SSBP3: variants seen among roughly 807,000 people sequenced by gnomAD.
The protein encoded by SSBP3 is single stranded DNA binding protein 3.
Under a neutral mutation model 69.6 loss-of-function variants are expected in SSBP3, and 5 were observed. That is an observed-to-expected ratio of 0.07 (90% confidence interval 0.04 to 0.15). The LOEUF (loss-of-function observed/expected upper bound fraction) is 0.15. Ranked by LOEUF, SSBP3 falls within the 10% of genes least tolerant of loss-of-function variation. The probability of loss-of-function intolerance (pLI) is 1.00; values close to 1 mark genes in which losing one functional copy is unlikely to be tolerated. For synonymous variants in SSBP3, 196 were observed against 193.4 expected, an observed-to-expected ratio of 1.01 and a Z score of -0.11; for missense variants, 312 against 534.0, an observed-to-expected ratio of 0.58 and a Z score of 4.10.
chr1:54,277,931 GA>G (rs961793013), intron 5 of SSBP3, among the ~76,000 whole-genome samples: 2 of 149,346 alleles, frequency 1.3e-5, no homozygotes, highest in Non-Finnish European at 3.0e-5. Flanking sequence ...AAGCTGCGTG[GA>G]AAAAAAAAAT....
rs1041205219 is a variant in SSBP3 at position 54,248,168 on chromosome 1, G to A, written c.651+3448C>T. ...ACTGGCTAAAAGCAATCTAATTCCC[G>A]GCTGTGAATCACATGCCGATGGTCT... On this transcript the variant is annotated intron_variant, in intron 9 of 17. Transcript: ENST00000610401. Among the ~76,000 whole-genome samples, 12 of 152,290 alleles carry A rather than the reference G, an allele frequency of 7.9e-5. 1 individual carries two copies. The highest frequency in any genetic ancestry group is 6.8e-3 in the Middle Eastern group (2 of 294).
chr1:54,267,182 C>G (rs796065661), intron 5 of SSBP3, among the ~76,000 whole-genome samples: 2 of 152,218 alleles, frequency 1.3e-5, no homozygotes, highest in Non-Finnish European at 2.9e-5. Flanking sequence ...GGATATGAGA[C>G]GTGACTTTGC....
intron 4 of SSBP3, among the ~76,000 whole-genome samples, chr1:54,282,104 G>A (rs2100884848): frequency 6.6e-6 from 1 of 151,610 alleles, no homozygotes; most frequent in Admixed American, 6.6e-5. Flanking sequence ...CACCATTCAG[G>A]GAGGTTGCAA....
chr1:54,321,560 G>A (rs1291093021), intron 4 of SSBP3, among the ~76,000 whole-genome samples: 1 of 152,248 alleles, frequency 6.6e-6, no homozygotes, highest in Non-Finnish European at 1.5e-5. Flanking sequence ...TCAGGCCAGA[G>A]GCCTGGGAAG....
In SSBP3 at chr1:54,386,683, CT is replaced by C. The variant is rs58429798; in HGVS notation, c.276+15177del. The stretch of plus-strand genomic sequence containing the variant: ...ATCCACAATGTATAAACTGATCCTA[CT>C]TTTTTTTTTTTTTTTTTTTTAAGAG... On this transcript the variant is annotated intron_variant, in intron 4 of 17. Coordinates refer to ENST00000610401, the Ensembl canonical transcript of SSBP3. Among the ~76,000 whole-genome samples, 545 of 76,102 alleles carry C rather than the reference CT, an allele frequency of 7.2e-3. 34 individuals are homozygous for C. The highest frequency in any genetic ancestry group is 8.8e-3 in the African/African-American group (129 of 14,586). The allele number at this position is 76,102 out of a possible 152,430, so 49.9% of individuals were successfully genotyped here.
chr1:54,268,387 C>T (rs1182737374), intron 5 of SSBP3, among the ~76,000 whole-genome samples: 1 of 152,280 alleles, frequency 6.6e-6, no homozygotes, highest in African/African-American at 2.4e-5. Context: ...TAAGAAGGCA[C>T]TGCCTCATCC....
intron 5 of SSBP3, among the ~76,000 whole-genome samples, chr1:54,273,232 GAGTTACGGCGCT>G (rs1173010557): frequency 6.6e-6 from 1 of 152,250 alleles, no homozygotes; most frequent in East Asian, 1.9e-4. Flanking sequence ...TCATCAGTGA[GAGTTACGGCGCT>G]ACATGTGGAG....
At chr1:54,269,271 CA>C (rs1645152914) in intron 5 of SSBP3, among the ~76,000 whole-genome samples, 1 of 152,200 alleles carries the variant, frequency 6.6e-6, no homozygotes, top group Admixed American at 6.5e-5. Flanking sequence ...TGCTCTTCAG[CA>C]AACTCCACCA....
exon 17 of SSBP3, chr1:54,228,279 G>T (rs1161687667): frequency 6.2e-7 from 1 of 1,614,018 alleles, no homozygotes; most frequent in South Asian, 1.1e-5. Context: ...AGGAGTGGAG[G>T]AAGTTCCCTC....
intron 4 of SSBP3, among the ~76,000 whole-genome samples, chr1:54,386,683 C>CTTTATTTTTTTTTTTTTTT (rs1648106095): frequency 1.3e-5 from 1 of 76,136 alleles, no homozygotes; most frequent in Admixed American, 1.6e-4. Context: ...ACTGATCCTA[C>CTTTATTTTTTTTTTTTTTT]TTTTTTTTTT....
At chr1:54,310,461 C>T (rs930349414) in intron 4 of SSBP3, among the ~76,000 whole-genome samples, 4 of 152,158 alleles carry the variant, frequency 2.6e-5, no homozygotes, top group Admixed American at 2.6e-4. Flanking sequence ...CCCACGGACA[C>T]ACCTTCCCAG....
chr1:54,252,953 G>A (rs1258518157), intron 7 of SSBP3, among the ~76,000 whole-genome samples: 2 of 152,178 alleles, frequency 1.3e-5, no homozygotes, highest in Non-Finnish European at 2.9e-5. Flanking sequence ...GTGCTGCTGT[G>A]GGGGAGGCTG....
intron 9 of SSBP3, among the ~76,000 whole-genome samples, chr1:54,245,152 G>A (rs1297837334): frequency 6.6e-6 from 1 of 152,204 alleles, no homozygotes; most frequent in African/African-American, 2.4e-5. Flanking sequence ...TAGGTTGCTG[G>A]AATTTTGATG....
At chr1:54,289,387 G>A (rs184362091) in intron 4 of SSBP3, among the ~76,000 whole-genome samples, 10 of 152,002 alleles carry the variant, frequency 6.6e-5, no homozygotes, top group Non-Finnish European at 1.0e-4. Context: ...GAAACAAGGT[G>A]GGGGGTGGGG....
intron 4 of SSBP3, among the ~76,000 whole-genome samples, chr1:54,350,470 A>T (rs1372070895): frequency 6.6e-6 from 1 of 152,240 alleles, no homozygotes; most frequent in Non-Finnish European, 1.5e-5. Flanking sequence ...CAAGTGATTA[A>T]CAGGTCCAAG....
chr1:54,321,732 G>A (rs768348436), intron 4 of SSBP3, among the ~76,000 whole-genome samples: 9 of 152,208 alleles, frequency 5.9e-5, no homozygotes, highest in Admixed American at 3.9e-4. Flanking sequence ...CATCACTCAC[G>A]CAAACATACT....
At chr1:54,362,558 C>T (rs551387384) in intron 4 of SSBP3, among the ~76,000 whole-genome samples, 2 of 152,332 alleles carry the variant, frequency 1.3e-5, no homozygotes, top group South Asian at 2.1e-4. Context: ...AGCCTCTACC[C>T]GACCTGGGCT....
intron 13 of SSBP3, among the ~76,000 whole-genome samples, chr1:54,240,087 T>TGTGTGTGTGTGTGTGC (rs1159547661): frequency 1.7e-4 from 7 of 42,342 alleles, no homozygotes; most frequent in Admixed American, 2.5e-4. Context: ...TGTGTGTGTG[T>TGTGTGTGTGTGTGTGC]GCGCGCGCGC....
upstream of SSBP3, among the ~76,000 whole-genome samples, chr1:54,410,194 G>A (rs957639696): frequency 2.6e-5 from 4 of 152,252 alleles, no homozygotes; most frequent in Non-Finnish European, 5.9e-5. Context: ...GGACATGCAA[G>A]TGAGGTGGGA....
Sources: allele counts gnomAD v4.1 joint callset (sites outside exome capture counted in the v4.1 genomes callset), GRCh38; gene constraint gnomAD v4.1.1; transcripts MANE v1.5; gene names NCBI Gene and HGNC (gene_info 2026-07-23, HGNC 2026-07-21).